The following SPIRE1 variants were observed in gnomAD, a reference collection of about 807,000 sequenced individuals.
SPIRE1 encodes the protein spire type actin nucleation factor 1, also known as protein spire homolog 1.
Under a neutral mutation model 94.1 loss-of-function variants are expected in SPIRE1, and 40 were observed. That is an observed-to-expected ratio of 0.43 (90% CI 0.33 to 0.55). The LOEUF (loss-of-function observed/expected upper bound fraction) is 0.55, where lower values mean the gene tolerates loss of function less well. Ranked by LOEUF, SPIRE1 falls within the 20% of genes least tolerant of loss-of-function variation. SPIRE1 has a pLI of 0.06. For missense variants in SPIRE1, 838 were observed against 975.2 expected, an observed-to-expected ratio of 0.86 and a Z score of 1.87; for synonymous variants, 376 against 371.7, an observed-to-expected ratio of 1.01 and a Z score of -0.13.
intron 1 of SPIRE1, among the ~76,000 whole-genome samples, chr18:12,652,037 A>G (rs143844890): frequency 5.4e-4 from 82 of 152,356 alleles, no homozygotes; most frequent in African/African-American, 1.9e-3. Flanking sequence ...TTTGAAACCA[A>G]AAGTTAAAAT....
At chr18:12,609,046 G>A (rs763463036) in intron 2 of SPIRE1, among the ~76,000 whole-genome samples, 23 of 152,120 alleles carry the variant, frequency 1.5e-4, no homozygotes, top group Non-Finnish European at 2.6e-4. Flanking sequence ...CTCCTAAGGA[G>A]CACACAACCT....
At chr18:12,661,668 G>A (rs1041463582), upstream of SPIRE1, among the ~76,000 whole-genome samples, 2 of 152,100 alleles carry the variant, frequency 1.3e-5, no homozygotes, top group South Asian at 2.1e-4. Context: ...CCAGCTACTC[G>A]GGAGGCTGAG....
chr18:12,483,652 GAATT>G (rs1165910249), intron 9 of SPIRE1, among the ~76,000 whole-genome samples: 1 of 152,068 alleles, frequency 6.6e-6, no homozygotes, highest in Non-Finnish European at 1.5e-5. Flanking sequence ...TTTTCACTAA[GAATT>G]AATATTTCTA....
rs769619906 is a variant in SPIRE1 at position 12,463,432 on chromosome 18, C to G, written c.1557G>C (p.Gln519His). The G allele has an allele frequency of 6.2e-7, 1 of 1,613,908 alleles. No individual in the cohort carries two copies. The highest frequency in any genetic ancestry group is 8.5e-7 in the Non-Finnish European group (1 of 1,179,990). Reference sequence around the variant, plus strand: ...TTTCCTTTTCAATGGAATGTCGTCTCTGGGGTGGCTGCCGTCTCTCTGGCT... The same window carrying G: ...TTTCCTTTTCAATGGAATGTCGTCTGTGGGGTGGCTGCCGTCTCTCTGGCT... Reference protein sequence around the residue: ...TPQPERRQPPQRRHSIEKETP... With the variant: ...TPQPERRQPPHRRHSIEKETP... The change falls in exon 12 of 17, where the codon CAG becomes CAC. Residue 519 changes from glutamine (Q) to histidine (H), a missense_variant. Around this residue, in one of 2 missense-constraint regions of SPIRE1, gnomAD observed 645 missense variants for 804.7 expected, o/e 0.80. Coordinates refer to ENST00000409402, the MANE Select transcript of SPIRE1 (RefSeq NM_001128626.2).
intron 8 of SPIRE1, among the ~76,000 whole-genome samples, chr18:12,487,398 CT>C (rs2143820574): frequency 7.6e-6 from 1 of 130,786 alleles, no homozygotes; most frequent in South Asian, 2.6e-4. Flanking sequence ...CATTTATTTT[CT>C]TTCTTTTTTT....
chr18:12,551,438 A>G (rs1418776353), intron 2 of SPIRE1, among the ~76,000 whole-genome samples: 1 of 152,164 alleles, frequency 6.6e-6, no homozygotes, highest in Non-Finnish European at 1.5e-5. Flanking sequence ...GCGGTGGCTC[A>G]CGCCTGTAAT....
In SPIRE1 at chr18:12,510,605, C is replaced by T. The variant is rs368909016; in HGVS notation, c.807+1849G>A. On this transcript the variant is annotated intron_variant, in intron 5 of 16. Transcript: ENST00000409402. ...TCGCCCAGGCTGGAGTGCAATGGTGCGATCTCGGCTCACCCCAACCTCCAC... is the reference window on the plus strand; with the variant it reads ...TCGCCCAGGCTGGAGTGCAATGGTGTGATCTCGGCTCACCCCAACCTCCAC... Among the ~76,000 whole-genome samples, 93 of 151,492 alleles carry T rather than the reference C, an allele frequency of 6.1e-4. 2 individuals are homozygous for T. The South Asian group carries it at 0.013, about 22-fold the overall frequency.
rs1403984687 is a variant in SPIRE1 at position 12,446,816 on chromosome 18, T to G, written c.*2822A>C. The G allele has an allele frequency of 6.6e-6, 1 of 152,230 alleles. No individual in the cohort carries two copies. Among genetic ancestry groups the G allele is most frequent in the Non-Finnish European group, 1.5e-5 (1 of 68,048 alleles). The allele number at this position is 152,230 out of a possible 1,614,324, so 9.4% of individuals were successfully genotyped here. A position where few individuals can be genotyped will look rare whatever the true frequency, so the allele number is the denominator to read the frequency against. Reference sequence around the variant, plus strand: ...AAAAATAAAAGGCTTAAAAATTTCATAGTACGAGTTCATGGTGCTAATAAC... The same window carrying G: ...AAAAATAAAAGGCTTAAAAATTTCAGAGTACGAGTTCATGGTGCTAATAAC... On this transcript the variant is annotated 3_prime_UTR_variant, in exon 17 of 17. Transcript: ENST00000409402.
rs147748099 is a variant in SPIRE1 at position 12,593,041 on chromosome 18, T to C, written c.372+42021A>G. Among the ~76,000 whole-genome samples, 69 of 152,354 alleles carry C rather than the reference T, an allele frequency of 4.5e-4. 1 individual carries two copies. The East Asian group carries it at 0.013, about 28-fold the overall frequency. On this transcript the variant is annotated intron_variant, in intron 2 of 16. Transcript: ENST00000409402. Reference sequence around the variant, plus strand: ...TGTTACTGTTAGGTTCTCTGGTCCCTAAGTCTTTGTTGTAGATTACTCTTC... The same window carrying C: ...TGTTACTGTTAGGTTCTCTGGTCCCCAAGTCTTTGTTGTAGATTACTCTTC...
In SPIRE1 at chr18:12,657,801, C is replaced by G; in HGVS notation, c.66G>C (p.Gly22=). The change falls in exon 1 of 17, where the codon GGG becomes GGC. Residue 22 remains glycine (G), a synonymous_variant. Coordinates refer to ENST00000409402, the MANE Select transcript of SPIRE1 (RefSeq NM_001128626.2). Reference sequence around the variant, plus strand: ...CGCCGGCTGCCCCGGGCTCCCGCGGCCCCTCGCCGCCCACTGCCTCAGTCC... The same window carrying G: ...CGCCGGCTGCCCCGGGCTCCCGCGGGCCCTCGCCGCCCACTGCCTCAGTCC... ...EPRTEAVGGE[G]PREPGAAGGA... 1 of 1,260,280 alleles carries G rather than the reference C, an allele frequency of 7.9e-7. No homozygotes were observed. The highest frequency in any genetic ancestry group is 1.0e-6 in the Non-Finnish European group (1 of 1,002,192). 78.1% of individuals were successfully genotyped at this position (1,260,280 alleles called of 1,614,324 possible).
At chr18:12,651,399 G>C (rs770412304) in intron 1 of SPIRE1, among the ~76,000 whole-genome samples, 1 of 152,016 alleles carries the variant, frequency 6.6e-6, no homozygotes. Context: ...TTTTTTTGCT[G>C]GGTGCGGTGG....
chr18:12,507,480 C>T (rs1179827106), intron 5 of SPIRE1, among the ~76,000 whole-genome samples: 2 of 152,006 alleles, frequency 1.3e-5, no homozygotes, highest in Admixed American at 1.3e-4. Flanking sequence ...GGGTGGATCA[C>T]CTGAGGTCAG....
Position 12,465,177 on chromosome 18 carries a change from G to C in SPIRE1, c.1405-219C>G, listed in dbSNP as rs530276203. Among the ~76,000 whole-genome samples the C allele has an allele frequency of 3.3e-5, 5 of 152,158 alleles. No individual in the cohort carries two copies. The East Asian group carries it at 9.7e-4, about 29-fold the overall frequency. On this transcript the variant is annotated intron_variant, in intron 10 of 16. Coordinates refer to ENST00000409402, the MANE Select transcript of SPIRE1 (RefSeq NM_001128626.2). ...ATGAGAGTGATGTGAAACTGAGCAT[G>C]CTTCTTTCTGTTTTTTGGAGACAGG...
At position 12,535,548 on chromosome 18, in the gene SPIRE1, T is replaced by C. The variant is rs1475583497; in HGVS notation, c.657A>G (p.Ala219=). ...TTTCTGCAAACAGTGCACGACATACTGCCTGATAATGATTTGGTGCATCTG... is the reference window on the plus strand; with the variant it reads ...TTTCTGCAAACAGTGCACGACATACCGCCTGATAATGATTTGGTGCATCTG... ...TESDAPNHYQ[A]VCRALFAETM... is the part of the protein sequence containing the mutation. The change falls in exon 4 of 17, where the codon GCA becomes GCG. Residue 219 remains alanine, a synonymous_variant. Transcript: ENST00000409402. 3 of 1,613,316 alleles carry C rather than the reference T, an allele frequency of 1.9e-6. No individual in the cohort carries two copies. The highest frequency in any genetic ancestry group is 2.5e-6 in the Non-Finnish European group (3 of 1,179,436).
intron 6 of SPIRE1, among the ~76,000 whole-genome samples, chr18:12,499,569 C>T (rs1190419283): frequency 6.7e-6 from 1 of 150,210 alleles, no homozygotes; most frequent in Non-Finnish European, 1.5e-5. Context: ...TTACCTTGCA[C>T]CATATATATA....
chr18:12,530,716 G>A (rs2034656824), intron 4 of SPIRE1, among the ~76,000 whole-genome samples: 1 of 151,944 alleles, frequency 6.6e-6, no homozygotes, highest in African/African-American at 2.4e-5. Flanking sequence ...ACCAATAAAG[G>A]GGCTTTTACA....
chr18:12,528,756 A>G (rs1055521240), intron 4 of SPIRE1, among the ~76,000 whole-genome samples: 1 of 152,244 alleles, frequency 6.6e-6, no homozygotes, highest in Non-Finnish European at 1.5e-5. Context: ...AAGGTAAGGT[A>G]GACACAGTGA....
Position 12,506,630 on chromosome 18 carries a change from C to T in SPIRE1, c.819G>A (p.Trp273Ter). The T allele has an allele frequency of 6.2e-7, 1 of 1,613,952 alleles. No individual in the cohort carries two copies. Among genetic ancestry groups the T allele is most frequent in the Non-Finnish European group, 8.5e-7 (1 of 1,179,978 alleles). ...ELKNADWARF[W>*]VQVMRDLRNG... is the part of the protein sequence containing the mutation. ...TCCTCAAATCCCTCATCACCTGTAC[C>T]CAGAATCGTGCCTGAAAGAACCAAG... The change falls in exon 6 of 17, where the codon TGG (tryptophan) becomes TGA (stop). Residue 273 changes from tryptophan (W) to a stop codon, truncating the protein, a stop_gained. Transcript: ENST00000409402. LOFTEE classifies it high-confidence loss of function.
At position 12,454,394 on chromosome 18, in the gene SPIRE1, T is replaced by C; in HGVS notation, c.1728A>G (p.Glu576=). The C allele has an allele frequency of 6.2e-7, 1 of 1,613,380 alleles. No homozygotes were observed. Among genetic ancestry groups the C allele is most frequent in the Non-Finnish European group, 8.5e-7 (1 of 1,179,768 alleles). The change falls in exon 13 of 17, where the codon GAA becomes GAG. Residue 576 remains glutamate (E), a synonymous_variant. Transcript: ENST00000409402. ...IRQVLVKAEL[E]KYQQYKDIYT... Reference sequence around the variant, plus strand: ...AGATGTCTTTATACTGTTGGTATTTTTCCAGCTCTGCCTTCACCAGGACCT... The same window carrying C: ...AGATGTCTTTATACTGTTGGTATTTCTCCAGCTCTGCCTTCACCAGGACCT...
Sources: allele counts gnomAD v4.1 joint callset (sites outside exome capture counted in the v4.1 genomes callset), GRCh38; gene constraint gnomAD v4.1.1; regional missense constraint gnomAD v4.1.1; transcripts MANE v1.5; gene names NCBI Gene and HGNC (gene_info 2026-07-23, HGNC 2026-07-21).